ZER1: variants seen among roughly 807,000 people sequenced by gnomAD.
ZER1 encodes zyg-11 related cell cycle regulator.
A neutral mutation model predicts 78.8 loss-of-function variants in ZER1; 11 were observed. The observed-to-expected ratio is 0.14, with a 90% CI of 0.09 to 0.23. ZER1 has a LOEUF of 0.23. Ranked by LOEUF, ZER1 falls within the 10% of genes least tolerant of loss-of-function variation. ZER1 has a pLI of 1.00. For synonymous variants in ZER1, 400 were observed against 407.0 expected, an observed-to-expected ratio of 0.98 and a Z score of 0.21; for missense variants, 588 against 996.9, an observed-to-expected ratio of 0.59 and a Z score of 5.52.
intron 1 of ZER1, among the ~76,000 whole-genome samples, chr9:128,766,013 C>T (rs753905683): frequency 1.2e-4 from 19 of 152,144 alleles, no homozygotes; most frequent in Non-Finnish European, 2.4e-4. Context: ...ATTCTTGTAA[C>T]CAAATGTATT....
At position 128,755,546 on chromosome 9, in the gene ZER1, T is replaced by A; in HGVS notation, c.20A>T (p.Glu7Val). MASDTP[E>V]SLMALCTDFC... Reference sequence around the variant, plus strand: ...GTCAGTACAGAGGGCCATCAGCGACTCGGGAGTGTCGGACGCCATGCTGGG... The same window carrying A: ...GTCAGTACAGAGGGCCATCAGCGACACGGGAGTGTCGGACGCCATGCTGGG... Residue 7 changes from glutamate to valine, a missense_variant, in exon 2 of 16, where the codon GAG becomes GTG. This residue lies in a region of ZER1 where 406 missense variants were observed against 660.1 expected (regional missense o/e 0.62). Transcript: ENST00000291900. This position sits in a 1 kb window ranked among gnomAD's most constrained non-coding sequence, Gnocchi z 5.6. 1.2e-6 allele frequency: 2 copies of A among 1,613,246 alleles called. No individual in the cohort carries two copies.
At chr9:128,741,402 G>C in intron 11 of ZER1, 133 bp downstream of exon 11, 1 of 1,382,370 alleles carries the variant, frequency 7.2e-7, no homozygotes, top group Non-Finnish European at 1.0e-6. Context: ...GTGGGCCTGA[G>C]TCTGTCCCCA....
chr9:128,742,633 T>A lies in ZER1; in HGVS notation c.1472A>T (p.Gln491Leu). The A allele has an allele frequency of 6.2e-7, 1 of 1,614,258 alleles. No individual in the cohort carries two copies. The highest frequency in any genetic ancestry group is 8.5e-7 in the Non-Finnish European group (1 of 1,180,056). ...LLLSILNPTR[Q>L]DESIQRIAVH... ...GGCGATCCGCTGGATAGACTCGTCC[T>A]GCCGCGTGGGGTTGAGGATGCTGAG... is the stretch of plus-strand genomic sequence containing the variant. The change falls in exon 9 of 16, where the codon CAG becomes CTG. Residue 491 changes from glutamine (Q) to leucine (L), a missense_variant. Gln to Leu is a moderately radical substitution (Grantham distance 113). Coordinates refer to ENST00000291900, the MANE Select transcript of ZER1 (RefSeq NM_006336.4).
chr9:128,745,199 GTT>G (rs570009551), intron 8 of ZER1, among the ~76,000 whole-genome samples: 20 of 128,480 alleles, frequency 1.6e-4, no homozygotes, highest in Non-Finnish European at 2.0e-4. Context: ...ATTTGTTTGG[GTT>G]TTTTTTTTTT....
rs1334272327 is a variant in ZER1, at chr9:128,735,490, TTG to T, written c.2043-61_2043-60del. 2.7e-6 allele frequency: 4 copies of T among 1,506,386 alleles called. No individual in the cohort carries two copies. In the Admixed American group the frequency reaches 7.8e-5, roughly 29 times the overall value. The allele number at this position is 1,506,386 out of a possible 1,614,324, so 93.3% of individuals were successfully genotyped here. A position where few individuals can be genotyped will look rare whatever the true frequency, so the allele number is the denominator to read the frequency against. ...CTGAGGGTGGGGAGTGTGTCTTTTCTTGTCTGAGGTTTCCTCCCACTGGAGAA... is the reference window on the plus strand; with the variant it reads ...CTGAGGGTGGGGAGTGTGTCTTTTCTTCTGAGGTTTCCTCCCACTGGAGAA... On this transcript the variant is annotated intron_variant, in intron 13 of 15. Transcript: ENST00000291900.
At chr9:128,770,044 T>C (rs1296236850) in intron 1 of ZER1, among the ~76,000 whole-genome samples, 1 of 152,186 alleles carries the variant, frequency 6.6e-6, no homozygotes, top group Non-Finnish European at 1.5e-5. Context: ...CACCTTTTTC[T>C]GGTCCCCACT....
At chr9:128,736,912 G>C (rs1033944736) in intron 13 of ZER1, among the ~76,000 whole-genome samples, 5 of 151,996 alleles carry the variant, frequency 3.3e-5, no homozygotes, top group Admixed American at 1.3e-4. Context: ...GGGAGGCTGA[G>C]GGGGGTGGAT....
chr9:128,731,548 G>A (rs1028966194), intron 15 of ZER1, among the ~76,000 whole-genome samples, 154 bp from the exon 16 acceptor site: 3 of 152,102 alleles, frequency 2.0e-5, no homozygotes, highest in African/African-American at 7.2e-5. Flanking sequence ...AGAGTGGCTG[G>A]CATGTGCAGG....
intron 1 of ZER1, among the ~76,000 whole-genome samples, chr9:128,762,469 G>A (rs2132478596): frequency 6.6e-6 from 1 of 152,318 alleles, no homozygotes; most frequent in Non-Finnish European, 1.5e-5. Flanking sequence ...CTGCTCACGA[G>A]GAGACAAACT....
intron 1 of ZER1, among the ~76,000 whole-genome samples, chr9:128,757,070 T>G (rs1863882113): frequency 6.6e-6 from 1 of 152,118 alleles, no homozygotes; most frequent in Non-Finnish European, 1.5e-5. Context: ...TAATTTGAGA[T>G]AGATGATAGA....
rs771413904 is a variant in ZER1, at chr9:128,733,540, G to A, written c.2141-12C>T. 1.9e-6 allele frequency: 3 copies of A among 1,609,696 alleles called. No homozygotes were observed. Among genetic ancestry groups the A allele is most frequent in the Non-Finnish European group, 2.5e-6 (3 of 1,177,268 alleles). ...GCAGTACTTGTCCGCTGTGGGATAG[G>A]AGCAGACAGCAGAGGATCAGGATGG... is the stretch of plus-strand genomic sequence containing the variant. On this transcript the variant is annotated splice_polypyrimidine_tract_variant and intron_variant, in intron 14 of 15. Transcript: ENST00000291900.
At chr9:128,747,706 C>T (rs1239820560) in intron 8 of ZER1, among the ~76,000 whole-genome samples, 2 of 152,100 alleles carry the variant, frequency 1.3e-5, no homozygotes, top group African/African-American at 2.4e-5. Flanking sequence ...CTCCACCTCC[C>T]GAGTTTAAGC....
At chr9:128,761,056 G>GGA (rs1367849613) in intron 1 of ZER1, among the ~76,000 whole-genome samples, 1 of 150,218 alleles carries the variant, frequency 6.7e-6, no homozygotes, top group East Asian at 2.0e-4. Context: ...TACTCGGGAG[G>GGA]CTGAGGTAGA....
intron 1 of ZER1, among the ~76,000 whole-genome samples, chr9:128,770,086 C>T (rs1241909635): frequency 6.6e-6 from 1 of 152,068 alleles, no homozygotes; most frequent in Non-Finnish European, 1.5e-5. Flanking sequence ...CCACTCTTCC[C>T]TTTCTTCAAC....
Position 128,753,786 on chromosome 9 carries a change from C to T in ZER1, c.309+23G>A, listed in dbSNP as rs370013496. 2.0e-5 allele frequency: 32 copies of T among 1,600,134 alleles called. No individual in the cohort carries two copies. Among genetic ancestry groups the T allele is most frequent in the East Asian group, 1.6e-4 (7 of 44,492 alleles). On this transcript the variant is annotated intron_variant, in intron 3 of 15. Coordinates refer to ENST00000291900, the MANE Select transcript of ZER1 (RefSeq NM_006336.4). This position sits in a 1 kb window ranked among gnomAD's most constrained non-coding sequence, Gnocchi z 7.5. ...CCCTGCTTGGTGTGGGCCCTCCTGGCGCTGTGGCGGGGCAGGTCTCACCTG... is the reference window on the plus strand; with the variant it reads ...CCCTGCTTGGTGTGGGCCCTCCTGGTGCTGTGGCGGGGCAGGTCTCACCTG...
Position 128,751,310 on chromosome 9 carries a change from G to A in ZER1, c.1039-42C>T. 6.2e-7 allele frequency: 1 copy of A among 1,604,914 alleles called. No homozygotes were observed. The highest frequency in any genetic ancestry group is 8.5e-7 in the Non-Finnish European group (1 of 1,173,298). The stretch of plus-strand genomic sequence containing the variant: ...CTCAGAACAACCCAGCAGAGGCCAA[G>A]GGCTGGGATGCCAGATCCCAGCTCA... On this transcript the variant is annotated intron_variant, in intron 6 of 15. Coordinates refer to ENST00000291900, the MANE Select transcript of ZER1 (RefSeq NM_006336.4). The surrounding 1 kb of genome is among the most constrained non-coding windows in gnomAD (Gnocchi z 5.4).
chr9:128,742,655 T>G lies in ZER1; in HGVS notation c.1450A>C (p.Ser484Arg). 6.2e-7 allele frequency: 1 copy of G among 1,614,254 alleles called. No individual in the cohort carries two copies. Among genetic ancestry groups the G allele is most frequent in the Non-Finnish European group, 8.5e-7 (1 of 1,180,050 alleles). The change falls in exon 9 of 16, where the codon AGC becomes CGC. Residue 484 changes from serine (S) to arginine (R), a missense_variant. Coordinates refer to ENST00000291900, the MANE Select transcript of ZER1 (RefSeq NM_006336.4). ...TCCTGCCGCGTGGGGTTGAGGATGC[T>G]GAGCAGGAGCTCGTTGACCCGGCGG... ...QYRRVNELLL[S>R]ILNPTRQDES...
At position 128,769,788 on chromosome 9, in the gene ZER1, AC is replaced by A. The variant is rs2132500793; in HGVS notation, c.-95+1792del. Among the ~76,000 whole-genome samples the A allele has an allele frequency of 1.3e-5, 2 of 152,270 alleles. 1 individual carries two copies. Among genetic ancestry groups the A allele is most frequent in the African/African-American group, 4.8e-5 (2 of 41,560 alleles). ...CTCACAACCAGGAAGCAGCGGCATA[AC>A]TTAACTTGATTTAATCGCAGTTCTC... On this transcript the variant is annotated intron_variant, in intron 1 of 15. Transcript: ENST00000291900.
rs771809504 is a variant in ZER1, at chr9:128,741,564, C to T, written c.1708G>A (p.Gly570Ser). The change falls in exon 11 of 16, where the codon GGC becomes AGC. Residue 570 changes from glycine (G) to serine (S), a missense_variant. By Grantham distance (56) the Gly-to-Ser change is moderately conservative. This residue lies in a region of ZER1 where 60 missense variants were observed against 163.3 expected (regional missense o/e 0.37). Coordinates refer to ENST00000291900, the MANE Select transcript of ZER1 (RefSeq NM_006336.4). ...AGGCAGTCCAGGAAGAGCTTCATGC[C>T]GTTGAAATTGAGGAACATCTCGCAG... ...DNCEMFLNFN[G>S]MKLFLDCLKE... 3.1e-6 allele frequency: 5 copies of T among 1,614,142 alleles called. No homozygotes were observed. Among genetic ancestry groups the T allele is most frequent in the Admixed American group, 1.7e-5 (1 of 60,016 alleles).
Sources: gnomAD v4.1 joint callset for allele counts (sites outside exome capture counted in the v4.1 genomes callset) on GRCh38, gnomAD v4.1.1 for gene constraint, gnomAD v4.1.1 regional missense constraint, Gnocchi (gnomAD v3.1) non-coding constraint, MANE v1.5 for transcripts, NCBI Gene and HGNC (gene_info 2026-07-23, HGNC 2026-07-21) for gene names.